The following FBXW7 variants were observed in gnomAD, a reference collection of about 807,000 sequenced individuals.
The protein encoded by FBXW7 is F-box/WD repeat-containing protein 7.
FBXW7 carries 11 observed loss-of-function variants against 86.3 expected under a neutral mutation model. That is an observed-to-expected ratio of 0.13 (90% CI 0.08 to 0.21). The LOEUF (loss-of-function observed/expected upper bound fraction) is 0.21. Ranked by LOEUF, FBXW7 falls within the 10% of genes least tolerant of loss-of-function variation. The probability of loss-of-function intolerance (pLI) is 1.00; values close to 1 mark genes in which losing one functional copy is unlikely to be tolerated. For synonymous variants in FBXW7, 313 were observed against 297.9 expected (o/e 1.05, Z -0.52); for missense variants, 488 against 847.4 (o/e 0.58, Z 5.27).
At chr4:152,443,480 C>T (rs1020284061) in intron 2 of FBXW7, among the ~76,000 whole-genome samples, 4 of 152,120 alleles carry the variant, frequency 2.6e-5, no homozygotes, top group African/African-American at 9.7e-5. Flanking sequence ...AGAGTTTTAT[C>T]GATCAGTTAA....
intron 4 of FBXW7, among the ~76,000 whole-genome samples, chr4:152,397,237 T>C (rs1736494963): frequency 6.6e-6 from 1 of 151,942 alleles, no homozygotes; most frequent in Admixed American, 6.6e-5. Flanking sequence ...ACACAGAAAT[T>C]AATAATGAAA....
At chr4:152,344,299 G>T (rs1731041309) in intron 6 of FBXW7, among the ~76,000 whole-genome samples, 1 of 152,142 alleles carries the variant, frequency 6.6e-6, no homozygotes, top group Non-Finnish European at 1.5e-5. Context: ...GTGTGTCAGA[G>T]ACAGACATGG....
intron 4 of FBXW7, among the ~76,000 whole-genome samples, chr4:152,354,397 T>G (rs942210322): frequency 6.6e-6 from 1 of 152,092 alleles, no homozygotes; most frequent in Non-Finnish European, 1.5e-5. Flanking sequence ...TCAGAAGTTC[T>G]GAGGACTCAA....
At chr4:152,394,171 T>C (rs932392402) in intron 4 of FBXW7, among the ~76,000 whole-genome samples, 10 of 152,138 alleles carry the variant, frequency 6.6e-5, no homozygotes, top group Non-Finnish European at 1.2e-4. Context: ...TTGTTTATAA[T>C]CATCTCTTCA....
intron 2 of FBXW7, among the ~76,000 whole-genome samples, chr4:152,500,200 G>A (rs1353268918): frequency 6.6e-6 from 1 of 152,132 alleles, no homozygotes; most frequent in Non-Finnish European, 1.5e-5. Context: ...AATGGTCACA[G>A]TGATAAATCC....
intron 4 of FBXW7, chr4:152,352,371 T>C: frequency 1.4e-6 from 2 of 1,476,150 alleles, no homozygotes; most frequent in Non-Finnish European, 1.8e-6. Context: ...CCCACCAAAA[T>C]TAGAGGATAC....
chr4:152,478,744 C>T (rs1010133479), intron 2 of FBXW7, among the ~76,000 whole-genome samples: 6 of 152,040 alleles, frequency 3.9e-5, no homozygotes, highest in Non-Finnish European at 7.4e-5. Flanking sequence ...TTTTCTGTGT[C>T]TTTGCTAATA....
intron 4 of FBXW7, among the ~76,000 whole-genome samples, chr4:152,351,040 A>C (rs555792713): frequency 2.6e-5 from 4 of 152,130 alleles, no homozygotes; most frequent in South Asian, 4.1e-4. Flanking sequence ...CCATTTCAAC[A>C]ACCCCTTTTT....
At chr4:152,462,656 G>A (rs1454230416) in intron 2 of FBXW7, among the ~76,000 whole-genome samples, 1 of 152,180 alleles carries the variant, frequency 6.6e-6, no homozygotes. Flanking sequence ...CTCTCATCTG[G>A]CTTTGCTTTT....
At chr4:152,356,346 TACTAAAAAGTTTAACTCA>T (rs1732383989) in intron 4 of FBXW7, among the ~76,000 whole-genome samples, 1 of 152,212 alleles carries the variant, frequency 6.6e-6, no homozygotes, top group Non-Finnish European at 1.5e-5. Flanking sequence ...TTACAATCAG[TACTAAAAAGTTTAACTCA>T]ACTAAAAAGT....
chr4:152,525,877 C>T (rs778632424), intron 2 of FBXW7, among the ~76,000 whole-genome samples: 3 of 152,144 alleles, frequency 2.0e-5, no homozygotes, highest in South Asian at 2.1e-4. Flanking sequence ...TAAGGAATCG[C>T]GATACTGATT....
chr4:152,491,072 G>A (rs1745800694), intron 2 of FBXW7, among the ~76,000 whole-genome samples: 1 of 152,048 alleles, frequency 6.6e-6, no homozygotes, highest in Non-Finnish European at 1.5e-5. Context: ...AAAGCTCAAG[G>A]GCATTTGAGA....
chr4:152,376,607 G>C (rs1251493017), intron 4 of FBXW7, among the ~76,000 whole-genome samples: 1 of 151,932 alleles, frequency 6.6e-6, no homozygotes, highest in Admixed American at 6.6e-5. Context: ...TTGAATATAG[G>C]CTTGTCTATT....
chr4:152,403,894 A>C (rs1368245610), intron 4 of FBXW7, among the ~76,000 whole-genome samples: 1 of 152,194 alleles, frequency 6.6e-6, no homozygotes, highest in Non-Finnish European at 1.5e-5. Flanking sequence ...TATATGAAAA[A>C]TATTCATGTT....
At chr4:152,372,939 G>C (rs899484664) in intron 4 of FBXW7, among the ~76,000 whole-genome samples, 2 of 151,914 alleles carry the variant, frequency 1.3e-5, no homozygotes, top group Admixed American at 6.6e-5. Context: ...ATCATCTGAT[G>C]ACAAAAACAT....
intron 2 of FBXW7, among the ~76,000 whole-genome samples, chr4:152,503,133 G>A (rs79570713): frequency 0.019 from 2,884 of 152,234 alleles, 60 homozygotes; most frequent in African/African-American, 0.047. Flanking sequence ...TTTACAACAC[G>A]TGGAAGATAT....
chr4:152,469,373 C>A (rs918094582), intron 2 of FBXW7, among the ~76,000 whole-genome samples: 3 of 151,948 alleles, frequency 2.0e-5, no homozygotes, highest in African/African-American at 7.2e-5. Flanking sequence ...CCTACCTTTA[C>A]TCAAAAATAA....
At chr4:152,476,064 A>G (rs1744367594) in intron 2 of FBXW7, among the ~76,000 whole-genome samples, 1 of 152,186 alleles carries the variant, frequency 6.6e-6, no homozygotes, top group Non-Finnish European at 1.5e-5. Flanking sequence ...TGAGAACACT[A>G]ATTTCAATAA....
intron 2 of FBXW7, among the ~76,000 whole-genome samples, chr4:152,453,077 G>A (rs935085487): frequency 5.9e-5 from 9 of 152,068 alleles, no homozygotes; most frequent in Non-Finnish European, 8.8e-5. Context: ...CCAGCTACTC[G>A]GGAGGCTGAG....
Sources: allele counts gnomAD v4.1 joint callset (sites outside exome capture counted in the v4.1 genomes callset), GRCh38; gene constraint gnomAD v4.1.1; transcripts MANE v1.5; gene names NCBI Gene and HGNC (gene_info 2026-07-23, HGNC 2026-07-21).